The following CSMD2 variants were observed in gnomAD, a reference collection of about 807,000 sequenced individuals.
The protein encoded by CSMD2 is CUB and sushi domain-containing protein 2.
In CSMD2, 130 loss-of-function variants were observed where a neutral mutation model predicts 398.5. The ratio of observed to expected loss-of-function variants is 0.33; its 90% CI spans 0.28 to 0.38. The LOEUF (loss-of-function observed/expected upper bound fraction) is 0.38. Ranked by LOEUF, CSMD2 falls within the 10% of genes least tolerant of loss-of-function variation. CSMD2 has a pLI of 1.00. For synonymous variants in CSMD2, 1,828 were observed against 1,908.5 expected (o/e 0.96, Z 1.10); for missense variants, 3,829 against 4,764.9 (o/e 0.80, Z 5.78).
chr1:34,046,149 G>A (rs1037408736), intron 2 of CSMD2, among the ~76,000 whole-genome samples: 1 of 152,194 alleles, frequency 6.6e-6, no homozygotes, highest in Non-Finnish European at 1.5e-5. Flanking sequence ...TTGGTAGTTG[G>A]TGTGATGGGA....
intron 5 of CSMD2, among the ~76,000 whole-genome samples, chr1:33,906,730 A>C (rs2125250197): frequency 6.6e-6 from 1 of 152,328 alleles, no homozygotes; most frequent in South Asian, 2.1e-4. Flanking sequence ...GATGTCCATC[A>C]GGTAGCTGGC....
At chr1:33,855,278 G>C (rs536473781) in intron 5 of CSMD2, among the ~76,000 whole-genome samples, 1 of 152,116 alleles carries the variant, frequency 6.6e-6, no homozygotes, top group Non-Finnish European at 1.5e-5. Context: ...TACATCATAT[G>C]ACCCATAGGC....
intron 1 of CSMD2, among the ~76,000 whole-genome samples, chr1:34,120,365 T>C (rs944406186): frequency 4.6e-5 from 7 of 152,206 alleles, no homozygotes; most frequent in Non-Finnish European, 1.0e-4. Context: ...GTTCTAGAGT[T>C]CTATGTGCAC....
intron 2 of CSMD2, among the ~76,000 whole-genome samples, chr1:34,073,155 ATTAAC>A (rs1370664889): frequency 2.6e-5 from 4 of 152,172 alleles, no homozygotes; most frequent in African/African-American, 9.7e-5. Context: ...CTGCCTCCTT[ATTAAC>A]CACAGCTAAC....
At chr1:34,138,289 G>A (rs1638949872) in intron 1 of CSMD2, among the ~76,000 whole-genome samples, 1 of 152,222 alleles carries the variant, frequency 6.6e-6, no homozygotes, top group African/African-American at 2.4e-5. Flanking sequence ...TCCTCCAGGA[G>A]AGGGATTTGA....
intron 21 of CSMD2, among the ~76,000 whole-genome samples, chr1:33,713,350 T>C (rs1156714649): frequency 6.6e-6 from 1 of 152,256 alleles, no homozygotes; most frequent in Admixed American, 6.5e-5. Context: ...CCTGTTTCAG[T>C]CAGTGCAGTG....
chr1:33,846,982 C>G lies in CSMD2; in HGVS notation c.935G>C (p.Ser312Thr), dbSNP rs779251631. Residue 312 changes from serine to threonine, a missense_variant, in exon 6 of 71, where the codon AGC (serine) becomes ACC (threonine). Ser to Thr is a moderately conservative substitution (Grantham distance 58). Around this residue, in one of 5 missense-constraint regions of CSMD2, gnomAD observed 2,001 missense variants for 2,567.1 expected, o/e 0.78. Coordinates refer to ENST00000373381, the MANE Select transcript of CSMD2 (RefSeq NM_001281956.2). ...GCTGCTGATAACGGGGGCTGGGAGG[C>G]TGGCTCCGGTGAACCTGTGGGAACA... ...EGSSLWFTGA[S>T]LPAPVISSKN... The G allele has an allele frequency of 1.2e-5, 19 of 1,608,920 alleles. No individual in the cohort carries two copies. Among genetic ancestry groups the G allele is most frequent in the Non-Finnish European group, 1.6e-5 (19 of 1,177,480 alleles).
intron 2 of CSMD2, among the ~76,000 whole-genome samples, chr1:34,084,757 T>C (rs895549394): frequency 2.0e-5 from 3 of 151,638 alleles, no homozygotes; most frequent in Admixed American, 6.6e-5. Context: ...TGTGGAGAAA[T>C]AGGAACACTT....
chr1:34,155,364 A>C (rs1399491212), intron 1 of CSMD2, among the ~76,000 whole-genome samples: 1 of 152,174 alleles, frequency 6.6e-6, no homozygotes, highest in Non-Finnish European at 1.5e-5. Flanking sequence ...TCTCGAATGC[A>C]GGGAATTTTC....
At position 33,735,156 on chromosome 1, in the gene CSMD2, T is replaced by C. The variant is rs550381472; in HGVS notation, c.2368+3984A>G. Among the ~76,000 whole-genome samples the C allele has an allele frequency of 2.3e-3, 357 of 152,344 alleles. 2 individuals carry two copies. The highest frequency in any genetic ancestry group is 8.3e-3 in the African/African-American group (347 of 41,574). ...GGAAACTATATTCTCTTCAGTGATA[T>C]AATTCAAGAAAAATACAGTAACAGG... On this transcript the variant is annotated intron_variant, in intron 15 of 70. Transcript: ENST00000373381.
intron 13 of CSMD2, among the ~76,000 whole-genome samples, chr1:33,762,285 C>T (rs1398133402): frequency 2.0e-5 from 3 of 152,192 alleles, no homozygotes; most frequent in East Asian, 3.8e-4. Flanking sequence ...TGTTGGCCTC[C>T]ACAGCTCTCT....
At chr1:34,130,389 C>CAACA (rs775246453) in intron 1 of CSMD2, among the ~76,000 whole-genome samples, 4 of 58,500 alleles carry the variant, frequency 6.8e-5, no homozygotes, top group Non-Finnish European at 1.2e-4. Flanking sequence ...TGTCTGGAGG[C>CAACA]AAAAAAAAAA....
chr1:33,527,341 C>A, intron 64 of CSMD2, 83 bp from the exon 65 acceptor site: 2 of 1,168,570 alleles, frequency 1.7e-6, no homozygotes, highest in East Asian at 2.4e-5. Flanking sequence ...CCTGTCTGAC[C>A]TTAGGTCAAT....
chr1:33,777,248 C>A (rs1012079673), intron 12 of CSMD2, among the ~76,000 whole-genome samples: 1 of 152,088 alleles, frequency 6.6e-6, no homozygotes, highest in African/African-American at 2.4e-5. Context: ...GCAAAGAGTT[C>A]TAAGGCATTG....
chr1:34,037,599 C>T (rs1035627016), intron 2 of CSMD2, among the ~76,000 whole-genome samples: 2 of 152,248 alleles, frequency 1.3e-5, no homozygotes, highest in African/African-American at 4.8e-5. Context: ...TTCACAGCAG[C>T]TGCAACTTGT....
At chr1:34,072,746 C>T (rs1298437138) in intron 2 of CSMD2, among the ~76,000 whole-genome samples, 2 of 152,122 alleles carry the variant, frequency 1.3e-5, no homozygotes, top group Non-Finnish European at 2.9e-5. Context: ...GGAGAGATTG[C>T]TCAGGACCCC....
At chr1:33,915,121 AG>A (rs534641209) in intron 5 of CSMD2, among the ~76,000 whole-genome samples, 3 of 152,194 alleles carry the variant, frequency 2.0e-5, no homozygotes, top group Admixed American at 2.0e-4. Context: ...TTTCTCTCAA[AG>A]GAATTCTTGT....
At chr1:33,919,173 T>TTAGGAAGC (rs2125285775) in intron 4 of CSMD2, among the ~76,000 whole-genome samples, 1 of 152,100 alleles carries the variant, frequency 6.6e-6, no homozygotes, top group African/African-American at 2.4e-5. Context: ...TGAGAGATAT[T>TTAGGAAGC]TAGGAAGCAG....
At chr1:33,938,424 A>ATGATCCCC (rs1644551082) in intron 3 of CSMD2, among the ~76,000 whole-genome samples, 3 of 51,426 alleles carry the variant, frequency 5.8e-5, no homozygotes, top group African/African-American at 1.8e-4. Flanking sequence ...CCATGATCCC[A>ATGATCCCC]TGTTGCTGGC....
Sources: gnomAD v4.1 joint callset for allele counts (sites outside exome capture counted in the v4.1 genomes callset) on GRCh38, gnomAD v4.1.1 for gene constraint, gnomAD v4.1.1 regional missense constraint, MANE v1.5 for transcripts, NCBI Gene and HGNC (gene_info 2026-07-23, HGNC 2026-07-21) for gene names.